Variants in TFRC observed in about 807,000 individuals in gnomAD.
TFRC encodes the protein transferrin receptor, also known as transferrin receptor protein 1.
Under a neutral mutation model 85.8 loss-of-function variants are expected in TFRC, and 35 were observed. The observed-to-expected ratio is 0.41, with a 90% CI of 0.31 to 0.54. The LOEUF (loss-of-function observed/expected upper bound fraction) is 0.54. Ranked by LOEUF, TFRC falls within the 20% of genes least tolerant of loss-of-function variation. The pLI, the probability that TFRC is intolerant of heterozygous loss-of-function variation, is 0.31. For synonymous variants in TFRC, 362 were observed against 328.6 expected, an observed-to-expected ratio of 1.10 and a Z score of -1.10; for missense variants, 828 against 921.5, an observed-to-expected ratio of 0.90 and a Z score of 1.31.
At chr3:196,054,095 G>A (rs373386304) in intron 17 of TFRC, among the ~76,000 whole-genome samples, 3 of 152,126 alleles carry the variant, frequency 2.0e-5, no homozygotes, top group East Asian at 1.9e-4. Flanking sequence ...AAAATTAGCC[G>A]GGCGTGGTGG....
chr3:196,049,889 C>T lies in TFRC; in HGVS notation c.*2053G>A. 4.3e-6 allele frequency: 1 copy of T among 231,504 alleles called. No homozygotes were observed. Among genetic ancestry groups the T allele is most frequent in the Non-Finnish European group, 8.6e-6 (1 of 116,942 alleles). 14.3% of individuals were successfully genotyped at this position (231,504 alleles called of 1,614,324 possible). ...AAATCTAGGTAAGTGACACTAAGAA[C>T]CTGAAGAGACCCTATGAACTTTTCC... On this transcript the variant is annotated 3_prime_UTR_variant, in exon 19 of 19. Coordinates refer to ENST00000360110, the MANE Select transcript of TFRC (RefSeq NM_001128148.3).
rs1038473924 is a variant in TFRC, at chr3:196,071,324, C to T, written c.687+72G>A. 68 of 1,442,986 alleles carry T rather than the reference C, an allele frequency of 4.7e-5. No homozygotes were observed. In the East Asian group the frequency reaches 1.1e-3, roughly 22 times the overall value. The allele number at this position is 1,442,986 out of a possible 1,614,324, so 89.4% of individuals were successfully genotyped here. On this transcript the variant is annotated intron_variant, in intron 6 of 18. Transcript: ENST00000360110. Reference sequence around the variant, plus strand: ...CATTTTACAGGTAAATTTATAACTCCTAAGAACAGAAAAGATGAGTTTTGA... The same window carrying T: ...CATTTTACAGGTAAATTTATAACTCTTAAGAACAGAAAAGATGAGTTTTGA...
At position 196,062,946 on chromosome 3, in the gene TFRC, G is replaced by C; in HGVS notation, c.1319-7C>G. 1 of 1,613,440 alleles carries C rather than the reference G, an allele frequency of 6.2e-7. No individual in the cohort carries two copies. Among genetic ancestry groups the C allele is most frequent in the Non-Finnish European group, 8.5e-7 (1 of 1,179,760 alleles). ...CTGCTGGGCTGAAACCCATCTGAAA[G>C]AGAAAAAAGTTAGCTTTACCTGAGG... On this transcript the variant is annotated splice_region_variant and splice_polypyrimidine_tract_variant and intron_variant, in intron 11 of 18. Transcript: ENST00000360110.
chr3:196,075,052 AAAAAAAAAAAAAAAT>A lies in TFRC; in HGVS notation c.238+92_238+106del. The A allele has an allele frequency of 3.4e-6, 3 of 891,548 alleles. No individual in the cohort carries two copies. The South Asian group carries it at 5.4e-5, about 16-fold the overall frequency. 55.2% of individuals were successfully genotyped at this position (891,548 alleles called of 1,614,324 possible). ...GAGAGTAAGCCTCTGTCTCCAAAAA[AAAAAAAAAAAAAAAT>A]AAGGTACAAAATAACTATATGCTGA... is the stretch of plus-strand genomic sequence containing the variant. On this transcript the variant is annotated intron_variant, in intron 3 of 18. Coordinates refer to ENST00000360110, the MANE Select transcript of TFRC (RefSeq NM_001128148.3).
At chr3:196,068,730 C>T (rs528366885) in intron 7 of TFRC, among the ~76,000 whole-genome samples, 3 of 150,694 alleles carry the variant, frequency 2.0e-5, no homozygotes, top group African/African-American at 4.9e-5. Context: ...GAGTTCAAGA[C>T]CAGCCAGGCC....
rs1325630447 is a variant in TFRC, at chr3:196,050,446, T to C, written c.*1496A>G. 4.8e-6 allele frequency: 1 copy of C among 207,862 alleles called. No homozygotes were observed. Among genetic ancestry groups the C allele is most frequent in the African/African-American group, 2.3e-5 (1 of 43,940 alleles). The allele number at this position is 207,862 out of a possible 1,614,324, so 12.9% of individuals were successfully genotyped here. A position where few individuals can be genotyped will look rare whatever the true frequency, so the allele number is the denominator to read the frequency against. On this transcript the variant is annotated 3_prime_UTR_variant, in exon 19 of 19. Transcript: ENST00000360110. Reference sequence around the variant, plus strand: ...ACTAACGATCTTCAAGCTTTGAAGATGTCATTGCATGAAGAAAATTATGGG... The same window carrying C: ...ACTAACGATCTTCAAGCTTTGAAGACGTCATTGCATGAAGAAAATTATGGG...
chr3:196,073,776 T>G (rs1718427639), intron 4 of TFRC, among the ~76,000 whole-genome samples, 154 bp downstream of exon 4: 1 of 152,142 alleles, frequency 6.6e-6, no homozygotes, highest in Non-Finnish European at 1.5e-5. Context: ...TAGTTTCAGT[T>G]TTTTACAGGC....
At chr3:196,078,552 G>C (rs909312709) in intron 1 of TFRC, among the ~76,000 whole-genome samples, 1 of 151,928 alleles carries the variant, frequency 6.6e-6, no homozygotes, top group Non-Finnish European at 1.5e-5. Flanking sequence ...AGCTACTGGG[G>C]AGGCTGAGGC....
chr3:196,067,351 T>C (rs1717818380), intron 9 of TFRC, among the ~76,000 whole-genome samples, 167 bp downstream of exon 9: 1 of 152,230 alleles, frequency 6.6e-6, no homozygotes, highest in Non-Finnish European at 1.5e-5. Flanking sequence ...AAGATCTCTT[T>C]ATAGAGAAAA....
intron 4 of TFRC, among the ~76,000 whole-genome samples, chr3:196,072,645 T>C (rs925286877): frequency 2.0e-5 from 3 of 152,100 alleles, no homozygotes; most frequent in Non-Finnish European, 2.9e-5. Flanking sequence ...CCATAAGGTC[T>C]GGTGTACAGT....
rs142218775 is a variant in TFRC at position 196,064,370 on chromosome 3, G to T, written c.1257C>A (p.Ser419=). The T allele has an allele frequency of 1.2e-6, 2 of 1,613,556 alleles. No homozygotes were observed. The highest frequency in any genetic ancestry group is 2.7e-5 in the African/African-American group (2 of 74,878). Residue 419 remains serine (S), a synonymous_variant, in exon 11 of 19, where the codon TCC becomes TCA. Coordinates refer to ENST00000360110, the MANE Select transcript of TFRC (RefSeq NM_001128148.3). ...TCAATAGGAGAGCTGTGCCTACACC[G>T]GATTTTGCAGCTCCAGGGCCCCATG... ...RDAWGPGAAK[S]GVGTALLLKL... is the part of the protein sequence containing the mutation.
rs916630011 is a variant in TFRC at position 196,049,413 on chromosome 3, A to G, written c.*2529T>C. 5 of 210,318 alleles carry G rather than the reference A, an allele frequency of 2.4e-5. No homozygotes were observed. The highest frequency in any genetic ancestry group is 4.5e-5 in the African/African-American group (2 of 44,086). The allele number at this position is 210,318 out of a possible 1,614,324, so 13.0% of individuals were successfully genotyped here. A position where few individuals can be genotyped will look rare whatever the true frequency, so the allele number is the denominator to read the frequency against. On this transcript the variant is annotated 3_prime_UTR_variant, in exon 19 of 19. Transcript: ENST00000360110. ...TCTAAAATTTCAAGAACATTCAAAG[A>G]GCTAACACAGTAAAGGTCATGCAAG...
intron 11 of TFRC, among the ~76,000 whole-genome samples, chr3:196,063,774 G>C (rs140061117): frequency 1.3e-5 from 2 of 148,634 alleles, no homozygotes; most frequent in Non-Finnish European, 3.0e-5. Flanking sequence ...AAAATTGGCC[G>C]GGTGTGGTTG....
In TFRC at chr3:196,070,079, A is replaced by G. The variant is rs41303525; in HGVS notation, c.688-511T>C. Reference sequence around the variant, plus strand: ...TAACAACCAAGCCCTCAATACAGAAAGCTTGAAGTTGAACAAAAATCTTCA... The same window carrying G: ...TAACAACCAAGCCCTCAATACAGAAGGCTTGAAGTTGAACAAAAATCTTCA... On this transcript the variant is annotated intron_variant, in intron 6 of 18. Coordinates refer to ENST00000360110, the MANE Select transcript of TFRC (RefSeq NM_001128148.3). 4.1e-3 allele frequency among the ~76,000 whole-genome samples: 629 copies of G among 152,266 alleles called. 4 individuals carry two copies. The highest frequency in any genetic ancestry group is 0.041 in the Middle Eastern group (12 of 294).
chr3:196,053,673 G>GCTCAAGA, intron 17 of TFRC, 115 bp from the exon 18 acceptor site: 2 of 1,322,182 alleles, frequency 1.5e-6, no homozygotes, highest in Non-Finnish European at 2.1e-6. Context: ...TCGCAGATAA[G>GCTCAAGA]CTCAAGACTC....
chr3:196,078,794 G>GTTTTT (rs1718921496), intron 1 of TFRC, among the ~76,000 whole-genome samples: 1 of 149,216 alleles, frequency 6.7e-6, no homozygotes, highest in Non-Finnish European at 1.5e-5. Flanking sequence ...TTTTTCTTGA[G>GTTTTT]ACAGAGTTTC....
At chr3:196,070,600 A>G (rs1395923141) in intron 6 of TFRC, among the ~76,000 whole-genome samples, 1 of 151,582 alleles carries the variant, frequency 6.6e-6, no homozygotes, top group Admixed American at 6.6e-5. Flanking sequence ...TCTGTTCTCT[A>G]TTTCTGTGTT....
rs747337229 is a variant in TFRC, at chr3:196,062,611, G to A, written c.1439C>T (p.Thr480Ile). The change falls in exon 13 of 19, where the codon ACT becomes ATT. Residue 480 changes from threonine to isoleucine, a missense_variant. Physicochemically the swap from Thr to Ile is moderately conservative, Grantham distance 89. Transcript: ENST00000360110. ...YLSSLHLKAF[T>I]YINLDKAVLG... ...AACCGCTTTATCCAGATTAATATAA[G>A]TGAAAGCCTTTAAATGCAGGGACGA... 14 of 1,609,570 alleles carry A rather than the reference G, an allele frequency of 8.7e-6. No individual in the cohort carries two copies. Among genetic ancestry groups the A allele is most frequent in the Non-Finnish European group, 1.2e-5 (14 of 1,178,780 alleles).
chr3:196,065,426 G>T lies in TFRC; in HGVS notation c.1198+17C>A, dbSNP rs770408812. On this transcript the variant is annotated intron_variant, in intron 10 of 18. Transcript: ENST00000360110. ...CAAAAAAAAAGCGGGGCGGGGGGGG[G>T]GGGGGGCGGTCTTTACCTGGTTCTA... 7.4e-5 allele frequency: 51 copies of T among 692,124 alleles called. 2 individuals carry two copies. Among genetic ancestry groups the T allele is most frequent in the Admixed American group, 3.5e-4 (7 of 20,080 alleles). 42.9% of individuals were successfully genotyped at this position (692,124 alleles called of 1,614,324 possible).
Sources: allele counts gnomAD v4.1 joint callset (sites outside exome capture counted in the v4.1 genomes callset), GRCh38; gene constraint gnomAD v4.1.1; transcripts MANE v1.5; gene names NCBI Gene and HGNC (gene_info 2026-07-23, HGNC 2026-07-21).